Variants in ADAM29 observed in about 807,000 individuals in gnomAD.
ADAM29 encodes the protein disintegrin and metalloproteinase domain-containing protein 29.
For synonymous variants in ADAM29, 367 were observed against 342.3 expected, an observed-to-expected ratio of 1.07 and a Z score of -0.80; for missense variants, 969 against 1,001.8, an observed-to-expected ratio of 0.97 and a Z score of 0.44.
intron 4 of ADAM29, among the ~76,000 whole-genome samples, chr4:174,945,567 C>T (rs1472731425): frequency 6.6e-6 from 1 of 152,036 alleles, no homozygotes; most frequent in Non-Finnish European, 1.5e-5. Context: ...AGTCTTTGTC[C>T]ATTCTTATGT....
chr4:174,963,962 C>T (rs956091706), intron 4 of ADAM29, among the ~76,000 whole-genome samples: 1 of 151,578 alleles, frequency 6.6e-6, no homozygotes, highest in Non-Finnish European at 1.5e-5. Flanking sequence ...AGCCACTGTG[C>T]CTGGCCTAGC....
chr4:174,963,911 TG>T (rs981141625), intron 4 of ADAM29, among the ~76,000 whole-genome samples: 5 of 152,172 alleles, frequency 3.3e-5, no homozygotes, highest in African/African-American at 1.2e-4. Flanking sequence ...CCTCGTGATC[TG>T]CCTGCCTCAA....
At chr4:174,950,159 T>G (rs1228198038) in intron 4 of ADAM29, among the ~76,000 whole-genome samples, 1 of 152,212 alleles carries the variant, frequency 6.6e-6, no homozygotes, top group African/African-American at 2.4e-5. Flanking sequence ...CCTCTTCTTT[T>G]CTTTACATAT....
At position 174,977,586 on chromosome 4, in the gene ADAM29, GTTTAT is replaced by G; in HGVS notation, c.2068_2072del (p.Leu690MetfsTer8). 1 of 1,613,456 alleles carries G rather than the reference GTTTAT, an allele frequency of 6.2e-7. No homozygotes were observed. The highest frequency in any genetic ancestry group is 8.5e-7 in the Non-Finnish European group (1 of 1,179,774). ...TGTGTATATTGTTGCTTATTGTTTT[GTTTAT>G]TTTATTATGTTGTCTTTATCGACTT... is the stretch of plus-strand genomic sequence containing the variant. On this transcript the variant is annotated frameshift_variant, in exon 5 of 5. Coordinates refer to ENST00000359240, the MANE Select transcript of ADAM29 (RefSeq NM_014269.4). LOFTEE classifies it low-confidence loss of function (END_TRUNC).
chr4:174,920,813 A>G (rs1560855174), intron 2 of ADAM29, 21 bp downstream of exon 2: 2 of 152,146 alleles, frequency 1.3e-5, no homozygotes, highest in Non-Finnish European at 2.9e-5. Flanking sequence ...TTGCAGTAAG[A>G]TAATGTAATT....
chr4:174,925,895 A>G (rs1277456751), intron 2 of ADAM29, among the ~76,000 whole-genome samples: 1 of 152,238 alleles, frequency 6.6e-6, no homozygotes, highest in Non-Finnish European at 1.5e-5. Flanking sequence ...AAATAGAAAC[A>G]AAGTATCAGG....
At chr4:174,965,496 T>TATCTATCTATC (rs1678145639) in intron 4 of ADAM29, among the ~76,000 whole-genome samples, 1 of 151,444 alleles carries the variant, frequency 6.6e-6, no homozygotes, top group Admixed American at 6.6e-5. Flanking sequence ...TCTATCTATC[T>TATCTATCTATC]ATCTATCTAT....
intron 4 of ADAM29, among the ~76,000 whole-genome samples, chr4:174,948,962 T>G (rs1039474345): frequency 2.6e-5 from 4 of 152,048 alleles, no homozygotes; most frequent in Non-Finnish European, 5.9e-5. Context: ...AGTGAGTGCA[T>G]GCTGGAAAAG....
At chr4:174,963,062 T>C (rs1287002019) in intron 4 of ADAM29, among the ~76,000 whole-genome samples, 1 of 152,144 alleles carries the variant, frequency 6.6e-6, no homozygotes, top group African/African-American at 2.4e-5. Flanking sequence ...ATCTATGAGG[T>C]AGTCTCATTA....
chr4:174,934,260 T>C (rs1744075997), intron 3 of ADAM29, among the ~76,000 whole-genome samples: 1 of 152,186 alleles, frequency 6.6e-6, no homozygotes, highest in South Asian at 2.1e-4. Flanking sequence ...TATTTTTAAG[T>C]ATCATTAGTG....
At position 174,976,215 on chromosome 4, in the gene ADAM29, T is replaced by A; in HGVS notation, c.690T>A (p.Asn230Lys). 2 of 1,605,686 alleles carry A rather than the reference T, an allele frequency of 1.2e-6. No homozygotes were observed. The highest frequency in any genetic ancestry group is 1.7e-6 in the Non-Finnish European group (2 of 1,177,308). The change falls in exon 5 of 5, where the codon AAT becomes AAA. Residue 230 changes from asparagine to lysine, a missense_variant. By Grantham distance (94) the Asn-to-Lys change is moderately conservative (BLOSUM62 0). Coordinates refer to ENST00000359240, the MANE Select transcript of ADAM29 (RefSeq NM_014269.4). ...KLLEDLYVIV[N>K]IVDSILDVIG... ...TGGAGGATCTATATGTTATTGTTAA[T>A]ATAGTGGATTCCATTTTGGATGTCA...
At chr4:174,925,795 T>G (rs1743484593) in intron 2 of ADAM29, among the ~76,000 whole-genome samples, 1 of 152,202 alleles carries the variant, frequency 6.6e-6, no homozygotes, top group Non-Finnish European at 1.5e-5. Context: ...AAATGCTAGA[T>G]GAAAATTGAT....
At chr4:174,941,663 A>G (rs997711481) in intron 4 of ADAM29, among the ~76,000 whole-genome samples, 5 of 152,176 alleles carry the variant, frequency 3.3e-5, no homozygotes, top group African/African-American at 9.7e-5. Flanking sequence ...CTCTCCTGAC[A>G]AATGAGGATT....
chr4:174,922,980 G>C (rs762618329), intron 2 of ADAM29, among the ~76,000 whole-genome samples: 1 of 151,946 alleles, frequency 6.6e-6, no homozygotes, highest in Admixed American at 6.6e-5. Context: ...CAAAACCAAG[G>C]AAACACATAT....
Position 174,975,658 on chromosome 4 carries a change from G to C in ADAM29, c.133G>C (p.Gly45Arg). The C allele has an allele frequency of 6.2e-7, 1 of 1,613,170 alleles. No individual in the cohort carries two copies. The highest frequency in any genetic ancestry group is 8.5e-7 in the Non-Finnish European group (1 of 1,179,612). The change falls in exon 5 of 5, where the codon GGC (glycine) becomes CGC (arginine). Residue 45 changes from glycine (G) to arginine (R), a missense_variant. By Grantham distance (125) the Gly-to-Arg change is moderately radical (BLOSUM62 -2). Transcript: ENST00000359240. ...TGTGAGGATAACTGGCACCACCAGA[G>C]GCATGACACCTCCAGGCTGGCTCTC... ...IPVRITGTTR[G>R]MTPPGWLSYI...
intron 2 of ADAM29, among the ~76,000 whole-genome samples, chr4:174,928,559 G>C (rs534974841): frequency 1.1e-4 from 6 of 52,524 alleles, no homozygotes; most frequent in African/African-American, 3.8e-4. Context: ...CAAATTCCCT[G>C]TCATGTGCTT....
intron 3 of ADAM29, among the ~76,000 whole-genome samples, chr4:174,933,014 TCTC>T (rs912906555): frequency 7.2e-5 from 11 of 152,108 alleles, no homozygotes; most frequent in Non-Finnish European, 1.6e-4. Flanking sequence ...AGAGGAGCAA[TCTC>T]ACATTTCCTT....
chr4:174,934,713 G>A (rs1262472415), intron 3 of ADAM29, among the ~76,000 whole-genome samples: 1 of 152,088 alleles, frequency 6.6e-6, no homozygotes, highest in African/African-American at 2.4e-5. Context: ...CCCATCTTCC[G>A]CAGGAGATGC....
chr4:174,968,116 A>C (rs963070023), intron 4 of ADAM29, among the ~76,000 whole-genome samples: 3 of 152,156 alleles, frequency 2.0e-5, no homozygotes, highest in African/African-American at 7.2e-5. Context: ...CTTGCCTTTA[A>C]ATACTTCGTC....
Sources: gnomAD v4.1 joint callset for allele counts (sites outside exome capture counted in the v4.1 genomes callset) on GRCh38, gnomAD v4.1.1 for gene constraint, MANE v1.5 for transcripts, NCBI Gene and HGNC (gene_info 2026-07-23, HGNC 2026-07-21) for gene names.